Variants in ZNG1E observed in about 807,000 individuals in gnomAD.
ZNG1E encodes the protein zinc-regulated GTPase metalloprotein activator 1E.
At chr9:65,667,393 G>C in the ZNG1E span, among the ~76,000 whole-genome samples, 1 of 152,254 alleles carries the variant, frequency 6.6e-6, no homozygotes, top group African/African-American at 2.4e-5. Flanking sequence ...TTAATTATAA[G>C]TAACCAGAAC....
chr9:65,677,718 C>T, the ZNG1E span, among the ~76,000 whole-genome samples: 1 of 152,034 alleles, frequency 6.6e-6, no homozygotes, highest in Non-Finnish European at 1.5e-5. Flanking sequence ...AATTCCTTAA[C>T]ATGAATTACA....
the ZNG1E span, among the ~76,000 whole-genome samples, chr9:65,728,614 C>T: frequency 6.8e-6 from 1 of 148,020 alleles, no homozygotes; most frequent in Non-Finnish European, 1.5e-5. Context: ...AACTAGAAAA[C>T]CTAAAATAGA....
At chr9:65,661,749 G>A in the ZNG1E span, among the ~76,000 whole-genome samples, 2 of 152,212 alleles carry the variant, frequency 1.3e-5, no homozygotes, top group Admixed American at 6.5e-5. Flanking sequence ...GTTACCTGGG[G>A]CCTAAGCTAA....
chr9:65,676,905 A>G, the ZNG1E span, among the ~76,000 whole-genome samples: 5 of 146,374 alleles, frequency 3.4e-5, no homozygotes, highest in African/African-American at 7.9e-5. Context: ...AGAAGTTTGG[A>G]AAAAGTTAAG....
chr9:65,727,651 CAA>C, the ZNG1E span, among the ~76,000 whole-genome samples: 1 of 124,394 alleles, frequency 8.0e-6, no homozygotes, highest in Non-Finnish European at 1.6e-5. Context: ...TTTAAAAAGA[CAA>C]AGAGGGACAT....
the ZNG1E span, among the ~76,000 whole-genome samples, chr9:65,728,502 A>G: frequency 3.4e-5 from 5 of 148,940 alleles, no homozygotes; most frequent in South Asian, 1.1e-3. Flanking sequence ...GAAAAGAGAG[A>G]AAATCCAAAT....
the ZNG1E span, among the ~76,000 whole-genome samples, chr9:65,674,393 G>A: frequency 6.6e-6 from 1 of 152,414 alleles, no homozygotes; most frequent in African/African-American, 2.4e-5. Context: ...TTCAGAGAAG[G>A]AAGGAAAAGT....
the ZNG1E span, among the ~76,000 whole-genome samples, chr9:65,668,460 A>T: frequency 6.6e-6 from 1 of 150,548 alleles, no homozygotes; most frequent in East Asian, 1.9e-4. Context: ...TAATACATTC[A>T]GGTATAATAC....
At chr9:65,700,864 C>T in the ZNG1E span, 6 of 152,696 alleles carry the variant, frequency 3.9e-5, no homozygotes, top group Middle Eastern at 3.3e-3. Context: ...CTTCATCTTC[C>T]TTAACTGTCA....
chr9:65,659,065 CAA>C, the ZNG1E span, among the ~76,000 whole-genome samples: 2 of 152,194 alleles, frequency 1.3e-5, no homozygotes, highest in Non-Finnish European at 2.9e-5. Context: ...AAACTGGAAA[CAA>C]AGTGAAAATC....
the ZNG1E span, among the ~76,000 whole-genome samples, chr9:65,726,077 CTG>C: frequency 1.1e-5 from 1 of 94,628 alleles, no homozygotes; most frequent in African/African-American, 4.9e-5. Flanking sequence ...TCTCCCGACT[CTG>C]TGCAGACTAC....
At chr9:65,658,561 T>A in the ZNG1E span, among the ~76,000 whole-genome samples, 4 of 151,286 alleles carry the variant, frequency 2.6e-5, no homozygotes, top group African/African-American at 4.9e-5. Flanking sequence ...GTTCTCAGAT[T>A]GTAAGAGACT....
chr9:65,656,594 T>A, the ZNG1E span, among the ~76,000 whole-genome samples: 1 of 152,258 alleles, frequency 6.6e-6, no homozygotes, highest in African/African-American at 2.4e-5. Context: ...TCTTCAAACC[T>A]GTATAGCCAG....
the ZNG1E span, among the ~76,000 whole-genome samples, chr9:65,722,714 T>TTTTTTG: frequency 7.2e-6 from 1 of 138,536 alleles, no homozygotes; most frequent in Non-Finnish European, 1.5e-5. Context: ...TTTTTTTTTT[T>TTTTTTG]TTTTTTTTTT....
the ZNG1E span, among the ~76,000 whole-genome samples, chr9:65,684,889 T>C: frequency 6.6e-6 from 1 of 152,172 alleles, no homozygotes. Context: ...TCCCATTGCA[T>C]ATAAAAGTTA....
At chr9:65,663,727 C>T in the ZNG1E span, among the ~76,000 whole-genome samples, 1 of 151,664 alleles carries the variant, frequency 6.6e-6, no homozygotes, top group Admixed American at 6.6e-5. Flanking sequence ...TATTTTCATA[C>T]ATATTTAAAA....
At chr9:65,714,696 G>T in the ZNG1E span, among the ~76,000 whole-genome samples, 2 of 146,980 alleles carry the variant, frequency 1.4e-5, no homozygotes, top group South Asian at 2.1e-4. Flanking sequence ...TACCTCCCAG[G>T]GGGTGACCTC....
At chr9:65,677,897 T>C in the ZNG1E span, among the ~76,000 whole-genome samples, 1 of 151,086 alleles carries the variant, frequency 6.6e-6, no homozygotes, top group Non-Finnish European at 1.5e-5. Flanking sequence ...CCATAGCATT[T>C]TGTGCATCTC....
chr9:65,681,261 A>G, the ZNG1E span, among the ~76,000 whole-genome samples: 1 of 152,006 alleles, frequency 6.6e-6, no homozygotes, highest in Non-Finnish European at 1.5e-5. Flanking sequence ...CGATTTAGAA[A>G]GTTTACCCTG....
Sources: gnomAD v4.1 joint callset for allele counts (sites outside exome capture counted in the v4.1 genomes callset) on GRCh38, gnomAD v4.1.1 for gene constraint, MANE v1.5 for transcripts, NCBI Gene and HGNC (gene_info 2026-07-23, HGNC 2026-07-21) for gene names.